TMEM114: variants seen among roughly 807,000 people sequenced by gnomAD.
TMEM114 encodes transmembrane protein 114.
Under a neutral mutation model 6.2 loss-of-function variants are expected in TMEM114, and 6 were observed. The ratio of observed to expected loss-of-function variants is 0.97; its 90% CI spans 0.53 to 1.91. The LOEUF (loss-of-function observed/expected upper bound fraction) is 1.91. TMEM114 is among the 40% of genes most tolerant of loss of function. TMEM114 has a pLI of 0.01. For missense variants in TMEM114, 218 were observed against 158.3 expected (o/e 1.38, Z -2.02); for synonymous variants, 104 against 73.0 (o/e 1.42, Z -2.16).
downstream of TMEM114, among the ~76,000 whole-genome samples, chr16:8,566,905 T>TC (rs1399408981): frequency 2.7e-5 from 4 of 146,204 alleles, no homozygotes; most frequent in African/African-American, 7.6e-5. Flanking sequence ...TGGTTTTTTT[T>TC]TTTTTTTTTT....
chr16:8,566,278 G>A (rs1266218754), downstream of TMEM114, among the ~76,000 whole-genome samples: 1 of 152,210 alleles, frequency 6.6e-6, no homozygotes, highest in East Asian at 1.9e-4. Flanking sequence ...TGGGGAGGCT[G>A]AGGCAGGAGA....
chr16:8,527,299 C>T, the TMEM114 span, among the ~76,000 whole-genome samples: 1 of 152,190 alleles, frequency 6.6e-6, no homozygotes, highest in African/African-American at 2.4e-5. Flanking sequence ...GAGATCTTCT[C>T]TCCAGGGAAG....
At chr16:8,543,890 A>G (rs1328918672) in intron 2 of TMEM114, among the ~76,000 whole-genome samples, 1 of 152,252 alleles carries the variant, frequency 6.6e-6, no homozygotes, top group African/African-American at 2.4e-5. Flanking sequence ...AGTCCATAAC[A>G]TAGGAACCTA....
downstream of TMEM114, among the ~76,000 whole-genome samples, chr16:8,568,090 T>C (rs1387298838): frequency 1.3e-5 from 2 of 152,166 alleles, no homozygotes; most frequent in Non-Finnish European, 2.9e-5. Flanking sequence ...TTACTCCCAG[T>C]TGCGTCCCTT....
rs1390595217 is a variant in TMEM114, at chr16:8,569,830, G to A, written c.615C>T (p.Ala205=). 2.6e-6 allele frequency: 4 copies of A among 1,551,020 alleles called. No individual in the cohort carries two copies. The South Asian group carries it at 3.6e-5, about 14-fold the overall frequency. ...SFIAELLTGA[A]FLAAARELSL... is the part of the protein sequence containing the mutation. ...TGAGCTCGCGGGCTGCTGCCAGGAA[G>A]GCTGCCCCGGTGAGCAGCTCGGCGA... Residue 205 remains alanine, a synonymous_variant, in exon 4 of 4, where the codon GCC becomes GCT. Transcript: ENST00000620492.
rs533732751 is a variant in TMEM114, at chr16:8,562,820, G to C, written n.213-24994C>G. Reference sequence around the variant, plus strand: ...AGTGAATGAGTGAGTAAATGAGTGAGGGAGGGAGGGAATGAGTGAGTGAAT... The same window carrying C: ...AGTGAATGAGTGAGTAAATGAGTGACGGAGGGAGGGAATGAGTGAGTGAAT... On this transcript the variant is annotated intron_variant and non_coding_transcript_variant, in intron 2 of 2. Coordinates refer to the TMEM114 transcript ENST00000623677. Among the ~76,000 whole-genome samples the C allele has an allele frequency of 3.5e-3, 524 of 150,498 alleles. 14 individuals carry two copies. The highest frequency in any genetic ancestry group is 0.012 in the African/African-American group (476 of 40,748).
downstream of TMEM114, among the ~76,000 whole-genome samples, chr16:8,566,834 C>T (rs1901561789): frequency 6.6e-6 from 1 of 151,994 alleles, no homozygotes; most frequent in Admixed American, 6.6e-5. Context: ...CTCCAAGAAG[C>T]CCTTTCTAAT....
intron 3 of TMEM114, among the ~76,000 whole-genome samples, chr16:8,570,552 A>G (rs1424927436): frequency 6.6e-6 from 1 of 152,138 alleles, no homozygotes; most frequent in Non-Finnish European, 1.5e-5. Flanking sequence ...GACTGGTCTC[A>G]AACTCCTGAC....
At chr16:8,546,252 C>G (rs1482208285) in intron 2 of TMEM114, among the ~76,000 whole-genome samples, 2 of 152,172 alleles carry the variant, frequency 1.3e-5, no homozygotes, top group Non-Finnish European at 1.5e-5. Flanking sequence ...TATAGAATTT[C>G]TTAACTCATT....
chr16:8,568,006 G>T (rs1211453144), downstream of TMEM114, among the ~76,000 whole-genome samples: 1 of 152,210 alleles, frequency 6.6e-6, no homozygotes. Context: ...GAAAGGAGCA[G>T]ACAGCCAGTA....
At chr16:8,555,678 A>G (rs967987315) in intron 2 of TMEM114, among the ~76,000 whole-genome samples, 1 of 152,108 alleles carries the variant, frequency 6.6e-6, no homozygotes, top group Non-Finnish European at 1.5e-5. Flanking sequence ...CATGCATCTG[A>G]CCAGGTAATT....
downstream of TMEM114, among the ~76,000 whole-genome samples, chr16:8,535,660 T>A (rs936199147): frequency 2.0e-5 from 3 of 152,222 alleles, no homozygotes; most frequent in African/African-American, 7.2e-5. Flanking sequence ...AGTTCTGTGA[T>A]GAATGTGGCA....
At chr16:8,563,014 G>T (rs1901327573) in intron 2 of TMEM114, among the ~76,000 whole-genome samples, 1 of 140,754 alleles carries the variant, frequency 7.1e-6, no homozygotes, top group South Asian at 2.2e-4. Flanking sequence ...GTGAATGAAT[G>T]AGTGAGTGAG....
chr16:8,540,035 C>T (rs1353417997), intron 2 of TMEM114, among the ~76,000 whole-genome samples: 2 of 152,142 alleles, frequency 1.3e-5, no homozygotes, highest in Non-Finnish European at 2.9e-5. Context: ...CCAGGCTGGT[C>T]TTGAACTCTC....
intron 2 of TMEM114, among the ~76,000 whole-genome samples, chr16:8,552,931 C>T (rs531377885): frequency 1.3e-5 from 2 of 152,292 alleles, no homozygotes; most frequent in Middle Eastern, 6.8e-3. Flanking sequence ...AGGTCTCTTA[C>T]CACTTAAGCT....
At chr16:8,562,182 C>T (rs1181042527) in intron 2 of TMEM114, among the ~76,000 whole-genome samples, 1 of 112,430 alleles carries the variant, frequency 8.9e-6, no homozygotes, top group Non-Finnish European at 1.9e-5. Context: ...GTGAATGAGT[C>T]AGTGAGTGAG....
rs1440276786 is a variant in TMEM114 at position 8,569,872 on chromosome 16, C to T, written c.573G>A (p.Leu191=). Residue 191 remains leucine, a synonymous_variant, in exon 4 of 4, where the codon CTG becomes CTA. Transcript: ENST00000620492. The part of the protein sequence containing the change: ...VDISFGWSLA[L]GWISFIAELL... ...GCTCGGCGATGAAGCTGATCCAGCCCAGGGCCAGGGACCAGCCGAAGCTGA... is the reference window on the plus strand; with the variant it reads ...GCTCGGCGATGAAGCTGATCCAGCCTAGGGCCAGGGACCAGCCGAAGCTGA... The T allele has an allele frequency of 1.3e-6, 2 of 1,551,066 alleles. No individual in the cohort carries two copies. Among genetic ancestry groups the T allele is most frequent in the African/African-American group, 2.7e-5 (2 of 73,072 alleles).
intron 2 of TMEM114, among the ~76,000 whole-genome samples, chr16:8,544,204 T>C (rs867167665): frequency 6.6e-6 from 1 of 152,248 alleles, no homozygotes; most frequent in Middle Eastern, 3.2e-3. Context: ...AAAGCATATA[T>C]GCAAGCCCTC....
At chr16:8,547,884 C>T (rs112203780) in intron 2 of TMEM114, among the ~76,000 whole-genome samples, 4 of 152,132 alleles carry the variant, frequency 2.6e-5, no homozygotes, top group East Asian at 1.9e-4. Flanking sequence ...ACTTGCTGGG[C>T]TTGGGAGGCC....
Sources: gnomAD v4.1 joint callset for allele counts (sites outside exome capture counted in the v4.1 genomes callset) on GRCh38, gnomAD v4.1.1 for gene constraint, MANE v1.5 for transcripts, NCBI Gene and HGNC (gene_info 2026-07-23, HGNC 2026-07-21) for gene names.